PLEKHH1: variants seen among roughly 807,000 people sequenced by gnomAD.
PLEKHH1 encodes pleckstrin homology, MyTH4 and FERM domain containing H1.
Under a neutral mutation model 160.0 loss-of-function variants are expected in PLEKHH1, and 104 were observed. The observed-to-expected ratio is 0.65, with a 90% CI of 0.55 to 0.76. The LOEUF is 0.76. Ranked by LOEUF, PLEKHH1 falls within the 30% of genes least tolerant of loss-of-function variation. The probability of loss-of-function intolerance (pLI) is 0.00; values close to 1 mark genes in which losing one functional copy is unlikely to be tolerated. For missense variants in PLEKHH1, 1,427 were observed against 1,724.1 expected (o/e 0.83, Z 3.05); for synonymous variants, 619 against 678.4 (o/e 0.91, Z 1.36).
In PLEKHH1 at chr14:67,570,098, G is replaced by A. The variant is rs1008539958; in HGVS notation, c.1434+86G>A. 1.1e-5 allele frequency: 11 copies of A among 963,682 alleles called. No homozygotes were observed. In the South Asian group the frequency reaches 1.5e-4, roughly 13 times the overall value. 59.7% of individuals were successfully genotyped at this position (963,682 alleles called of 1,614,324 possible). A position where few individuals can be genotyped will look rare whatever the true frequency, so the allele number is the denominator to read the frequency against. On this transcript the variant is annotated intron_variant, in intron 9 of 28. Coordinates refer to ENST00000329153, the MANE Select transcript of PLEKHH1 (RefSeq NM_020715.3). ...CCAATGACTGGGGCGGGGCTCTAGGGCCAGGCTTCTGCACATGGTGACCCT... is the reference window on the plus strand; with the variant it reads ...CCAATGACTGGGGCGGGGCTCTAGGACCAGGCTTCTGCACATGGTGACCCT...
chr14:67,589,585 T>C lies in PLEKHH1; in HGVS notation c.*2350T>C. Reference sequence around the variant, plus strand: ...TTATTAACAGTAAATAAATAAGCCCTGTACAGAACACAGGCACTAGGTTGA... The same window carrying C: ...TTATTAACAGTAAATAAATAAGCCCCGTACAGAACACAGGCACTAGGTTGA... On this transcript the variant is annotated 3_prime_UTR_variant, in exon 29 of 29. Transcript: ENST00000329153. The C allele has an allele frequency of 3.0e-6, 3 of 985,800 alleles. No homozygotes were observed. The highest frequency in any genetic ancestry group is 9.4e-5 in the South Asian group (2 of 21,312). 61.1% of individuals were successfully genotyped at this position (985,800 alleles called of 1,614,324 possible).
chr14:67,580,751 CTGTT>C (rs2035854848), intron 22 of PLEKHH1, 183 bp from the exon 23 acceptor site: 1 of 570,008 alleles, frequency 1.8e-6, no homozygotes, highest in African/African-American at 1.9e-5. Flanking sequence ...AGGGTTCCCT[CTGTT>C]TGTGAGGGAG....
intron 2 of PLEKHH1, among the ~76,000 whole-genome samples, chr14:67,545,321 T>C (rs1329604602): frequency 6.6e-6 from 1 of 152,240 alleles, no homozygotes; most frequent in African/African-American, 2.4e-5. Context: ...TAGTCTTTAT[T>C]CTGAATAACT....
intron 2 of PLEKHH1, among the ~76,000 whole-genome samples, chr14:67,543,507 G>C (rs731681): frequency 0.5 from 75,679 of 152,032 alleles, 19,401 homozygotes; most frequent in Non-Finnish European, 0.55. Context: ...CCAGAACCAC[G>C]TAGAGTGCTT....
At chr14:67,553,279 A>G (rs2034469354) in intron 2 of PLEKHH1, among the ~76,000 whole-genome samples, 1 of 152,218 alleles carries the variant, frequency 6.6e-6, no homozygotes, top group Admixed American at 6.5e-5. Flanking sequence ...TAGGAAACTT[A>G]TTGAGGGACC....
At chr14:67,558,773 T>C (rs896087374) in intron 4 of PLEKHH1, among the ~76,000 whole-genome samples, 3 of 152,196 alleles carry the variant, frequency 2.0e-5, no homozygotes, top group African/African-American at 7.2e-5. Context: ...CAGGTCAGGG[T>C]TGGCCGACTT....
chr14:67,537,292 C>T (rs1231436006), intron 1 of PLEKHH1, among the ~76,000 whole-genome samples: 7 of 147,526 alleles, frequency 4.7e-5, no homozygotes, highest in East Asian at 3.9e-4. Context: ...TGCAGAGAGC[C>T]GAGATTGCAC....
At chr14:67,553,828 TC>T (rs1480521311) in intron 2 of PLEKHH1, among the ~76,000 whole-genome samples, 1 of 152,212 alleles carries the variant, frequency 6.6e-6, no homozygotes, top group Non-Finnish European at 1.5e-5. Flanking sequence ...TCCATCTGGC[TC>T]AAACCGATGC....
chr14:67,551,834 A>T lies in PLEKHH1; in HGVS notation c.127-3991A>T, dbSNP rs113118807. On this transcript the variant is annotated intron_variant, in intron 2 of 28. Coordinates refer to ENST00000329153, the MANE Select transcript of PLEKHH1 (RefSeq NM_020715.3). ...GAGGCGGAGGTTACAGTGAGCTGGG[A>T]TTGGCCACTCCAGCCTGGGCGACAC... 1.7e-3 allele frequency among the ~76,000 whole-genome samples: 252 copies of T among 152,050 alleles called. 1 individual carries two copies. The highest frequency in any genetic ancestry group is 5.7e-3 in the African/African-American group (237 of 41,478).
chr14:67,582,045 G>C lies in PLEKHH1; in HGVS notation c.3285-24G>C, dbSNP rs1449496411. The C allele has an allele frequency of 1.0e-5, 16 of 1,598,804 alleles. No individual in the cohort carries two copies. The highest frequency in any genetic ancestry group is 1.4e-5 in the Non-Finnish European group (16 of 1,172,758). On this transcript the variant is annotated intron_variant, in intron 23 of 28. Transcript: ENST00000329153. This position sits in a 1 kb window ranked among gnomAD's most constrained non-coding sequence, Gnocchi z 5.0. ...CTGTTTGGAATCCCTGCTGAGTCCT[G>C]GTTTCTTATTCTCTTCTTTGTAGGC...
chr14:67,567,978 G>A (rs1219519173), intron 7 of PLEKHH1, among the ~76,000 whole-genome samples: 1 of 152,212 alleles, frequency 6.6e-6, no homozygotes, highest in Non-Finnish European at 1.5e-5. Flanking sequence ...TTGGCCTGTG[G>A]CCTACTTCAG....
chr14:67,547,601 A>C (rs2034231929), intron 2 of PLEKHH1, among the ~76,000 whole-genome samples: 1 of 152,022 alleles, frequency 6.6e-6, no homozygotes, highest in Non-Finnish European at 1.5e-5. Flanking sequence ...GGGACATTAC[A>C]TGGGCTGATG....
intron 1 of PLEKHH1, among the ~76,000 whole-genome samples, chr14:67,537,382 A>AATAAT (rs1566718826): frequency 0.023 from 2,186 of 93,438 alleles, 61 homozygotes; most frequent in African/African-American, 0.041. Flanking sequence ...ATAATAATAA[A>AATAAT]AACTTAATCT....
At chr14:67,548,527 G>A (rs979606144) in intron 2 of PLEKHH1, among the ~76,000 whole-genome samples, 31 of 152,156 alleles carry the variant, frequency 2.0e-4, no homozygotes, top group African/African-American at 3.9e-4. Flanking sequence ...GAGAAACCCC[G>A]TCTCTACTAA....
chr14:67,569,511 A>C (rs1170490965), intron 8 of PLEKHH1, among the ~76,000 whole-genome samples: 1 of 146,486 alleles, frequency 6.8e-6, no homozygotes, highest in African/African-American at 2.4e-5. Flanking sequence ...CTGCAGTGCC[A>C]GGGCCGTGGG....
Position 67,580,088 on chromosome 14 carries a change from T to C in PLEKHH1, c.3183+212T>C, listed in dbSNP as rs1228149844. The C allele has an allele frequency of 5.5e-6, 3 of 542,482 alleles. No homozygotes were observed. The East Asian group carries it at 9.4e-5, about 17-fold the overall frequency. The allele number at this position is 542,482 out of a possible 1,614,324, so 33.6% of individuals were successfully genotyped here. A position where few individuals can be genotyped will look rare whatever the true frequency, so the allele number is the denominator to read the frequency against. On this transcript the variant is annotated intron_variant, in intron 22 of 28. Transcript: ENST00000329153. ...TGTGCCCTTGTCTCTGGAGACAAGA[T>C]CGCTACACACCTACTTCCCTCGAGT...
chr14:67,547,768 A>C (rs1013796662), intron 2 of PLEKHH1, among the ~76,000 whole-genome samples: 1 of 151,932 alleles, frequency 6.6e-6, no homozygotes, highest in Non-Finnish European at 1.5e-5. Context: ...CTTGCACCTG[A>C]CTCCCTCGTA....
intron 2 of PLEKHH1, among the ~76,000 whole-genome samples, chr14:67,550,281 G>A (rs772963056): frequency 2.6e-5 from 4 of 151,960 alleles, no homozygotes; most frequent in Non-Finnish European, 5.9e-5. Context: ...CTCTGCCCCC[G>A]AGGCTCAAGC....
In PLEKHH1 at chr14:67,573,665, C is replaced by A; in HGVS notation, c.1840-136C>A. 1.4e-6 allele frequency: 1 copy of A among 690,514 alleles called. No individual in the cohort carries two copies. The highest frequency in any genetic ancestry group is 2.6e-6 in the Non-Finnish European group (1 of 379,708). 42.8% of individuals were successfully genotyped at this position (690,514 alleles called of 1,614,324 possible). On this transcript the variant is annotated intron_variant, in intron 12 of 28. Transcript: ENST00000329153. The surrounding 1 kb of genome is among the most constrained non-coding windows in gnomAD (Gnocchi z 4.8). ...TATAACCAGAATCTAGAATAAGTCA[C>A]CCATCATAACACAGCCAGAATGCTG... is the stretch of plus-strand genomic sequence containing the variant.
Sources: gnomAD v4.1 joint callset for allele counts (sites outside exome capture counted in the v4.1 genomes callset) on GRCh38, gnomAD v4.1.1 for gene constraint, Gnocchi (gnomAD v3.1) non-coding constraint, MANE v1.5 for transcripts, NCBI Gene and HGNC (gene_info 2026-07-23, HGNC 2026-07-21) for gene names.